EVC2: variants seen among roughly 807,000 people sequenced by gnomAD.
EVC2 encodes the protein limbin.
In EVC2, 148 loss-of-function variants were observed where a neutral mutation model predicts 149.3. That is an observed-to-expected ratio of 0.99 (90% CI 0.87 to 1.14). The LOEUF (loss-of-function observed/expected upper bound fraction) is 1.14. Ranked by LOEUF, EVC2 falls within the 50% of genes most tolerant of loss-of-function variation. The pLI, the probability that EVC2 is intolerant of heterozygous loss-of-function variation, is 0.00. For missense variants in EVC2, 1,854 were observed against 1,627.3 expected (o/e 1.14, Z -2.40); for synonymous variants, 776 against 649.9 (o/e 1.19, Z -2.95).
At chr4:5,565,682 A>C (rs1235100817) in intron 20 of EVC2, among the ~76,000 whole-genome samples, 1 of 151,948 alleles carries the variant, frequency 6.6e-6, no homozygotes, top group Non-Finnish European at 1.5e-5. Flanking sequence ...CAAAAAAAAA[A>C]AAAAAAAGAA....
chr4:5,550,600 G>A (rs375937021), intron 21 of EVC2, among the ~76,000 whole-genome samples: 76 of 152,280 alleles, frequency 5.0e-4, no homozygotes, highest in African/African-American at 1.7e-3. Flanking sequence ...GCCTGAGAAC[G>A]CAATAGAAAA....
intron 17 of EVC2, among the ~76,000 whole-genome samples, chr4:5,577,184 C>T (rs940941056): frequency 6.6e-6 from 1 of 152,216 alleles, no homozygotes; most frequent in East Asian, 1.9e-4. Context: ...ATTAATTTGT[C>T]AGATGATGTA....
chr4:5,638,678 A>G (rs576118482), intron 10 of EVC2, among the ~76,000 whole-genome samples: 136 of 152,244 alleles, frequency 8.9e-4, no homozygotes, highest in Middle Eastern at 3.4e-3. Flanking sequence ...TCCACATGAA[A>G]TTAATTTAAG....
At chr4:5,688,747 A>G (rs1720896046) in intron 5 of EVC2, among the ~76,000 whole-genome samples, 1 of 151,936 alleles carries the variant, frequency 6.6e-6, no homozygotes, top group African/African-American at 2.4e-5. Flanking sequence ...ACCCACTCCC[A>G]CTCTGTCCGG....
intron 9 of EVC2, among the ~76,000 whole-genome samples, chr4:5,648,464 C>G (rs1161840922): frequency 6.6e-6 from 1 of 152,152 alleles, no homozygotes; most frequent in Non-Finnish European, 1.5e-5. Context: ...AGGTGCTTTA[C>G]CGGTGGTTTG....
intron 7 of EVC2, 50 bp downstream of exon 7, chr4:5,681,210 C>CACAG: frequency 1.2e-6 from 2 of 1,610,078 alleles, no homozygotes; most frequent in Non-Finnish European, 1.7e-6. Flanking sequence ...GCAGGACCCA[C>CACAG]ACAGCACAGG....
At chr4:5,672,564 T>A (rs925618869) in intron 7 of EVC2, among the ~76,000 whole-genome samples, 1 of 152,132 alleles carries the variant, frequency 6.6e-6, no homozygotes, top group African/African-American at 2.4e-5. Flanking sequence ...GGGGTTCAAC[T>A]CTTAGATCCA....
intron 15 of EVC2, among the ~76,000 whole-genome samples, chr4:5,615,911 G>A (rs1459025577): frequency 6.6e-6 from 1 of 152,230 alleles, no homozygotes; most frequent in Non-Finnish European, 1.5e-5. Flanking sequence ...TCCCTGTTCT[G>A]TTCTTGCAAT....
rs1273439269 is a variant in EVC2 at position 5,631,919 on chromosome 4, C to T, written c.1584G>A (p.Gln528=). 1.9e-6 allele frequency: 3 copies of T among 1,614,200 alleles called. No homozygotes were observed. Among genetic ancestry groups the T allele is most frequent in the East Asian group, 4.5e-5 (2 of 44,876 alleles). Residue 528 remains glutamine, a synonymous_variant, in exon 11 of 22, where the codon CAG becomes CAA. Coordinates refer to ENST00000344408, the MANE Select transcript of EVC2 (RefSeq NM_147127.5). ...QEEDFAKAHR[Q]LAVFQRNELH... is the part of the protein sequence containing the mutation. Reference sequence around the variant, plus strand: ...GTTCATTTCTCTGGAAAACAGCCAGCTGTCTGTGAGCTTTGGCAAAGTCTT... The same window carrying T: ...GTTCATTTCTCTGGAAAACAGCCAGTTGTCTGTGAGCTTTGGCAAAGTCTT...
At chr4:5,666,828 T>G (rs751733193) in intron 7 of EVC2, among the ~76,000 whole-genome samples, 8 of 152,220 alleles carry the variant, frequency 5.3e-5, no homozygotes, top group Non-Finnish European at 1.2e-4. Flanking sequence ...ATCTATTTAT[T>G]CTCAAGTAAG....
chr4:5,592,380 G>C (rs1439531100), intron 16 of EVC2, among the ~76,000 whole-genome samples: 3 of 152,196 alleles, frequency 2.0e-5, no homozygotes, highest in African/African-American at 4.8e-5. Context: ...GGTGCCACTA[G>C]CAACAACCTC....
In EVC2 at chr4:5,567,594, C is replaced by T. The variant is rs1290066349; in HGVS notation, c.3557+850G>A. ...ATCCTCAAGGGGTACTGCTGGCTGC[C>T]CCCCAAACCCGCCTTACTCCACACC... On this transcript the variant is annotated intron_variant, in intron 20 of 21. Transcript: ENST00000344408. This position sits in a 1 kb window ranked among gnomAD's most constrained non-coding sequence, Gnocchi z 4.4. 6.6e-6 allele frequency among the ~76,000 whole-genome samples: 1 copy of T among 151,980 alleles called. No homozygotes were observed. The highest frequency in any genetic ancestry group is 2.4e-5 in the African/African-American group (1 of 41,374).
chr4:5,695,825 A>G (rs1314850781), intron 2 of EVC2, among the ~76,000 whole-genome samples: 1 of 152,214 alleles, frequency 6.6e-6, no homozygotes, highest in Non-Finnish European at 1.5e-5. Context: ...GGTAAAGACT[A>G]CAAGTGCTTT....
Position 5,657,181 on chromosome 4 carries a change from G to A in EVC2, c.1145+5926C>T, listed in dbSNP as rs994043953. Among the ~76,000 whole-genome samples, 2 of 152,138 alleles carry A rather than the reference G, an allele frequency of 1.3e-5. No individual in the cohort carries two copies. Among genetic ancestry groups the A allele is most frequent in the Non-Finnish European group, 2.9e-5 (2 of 68,026 alleles). Reference sequence around the variant, plus strand: ...ACTCCATGTTGCTCAGCAAGTCTGGGTTTCTCTAGTAAGCCACTTCCCCGT... The same window carrying A: ...ACTCCATGTTGCTCAGCAAGTCTGGATTTCTCTAGTAAGCCACTTCCCCGT... On this transcript the variant is annotated intron_variant, in intron 9 of 21. Transcript: ENST00000344408. The surrounding 1 kb of genome is among the most constrained non-coding windows in gnomAD (Gnocchi z 4.7).
chr4:5,656,236 T>A (rs1413624238), intron 9 of EVC2, among the ~76,000 whole-genome samples: 1 of 152,150 alleles, frequency 6.6e-6, no homozygotes, highest in Admixed American at 6.5e-5. Flanking sequence ...GTTCCCAGCA[T>A]GCCAGTGTCT....
intron 16 of EVC2, among the ~76,000 whole-genome samples, chr4:5,586,637 T>C (rs1361282762): frequency 6.7e-6 from 1 of 149,410 alleles, no homozygotes; most frequent in Non-Finnish European, 1.5e-5. Flanking sequence ...TCATAAAACC[T>C]TGGTCTCCAC....
intron 9 of EVC2, among the ~76,000 whole-genome samples, chr4:5,662,838 T>C (rs567988922): frequency 2.0e-5 from 3 of 151,832 alleles, no homozygotes; most frequent in Non-Finnish European, 2.9e-5. Flanking sequence ...ACCTTCCCAT[T>C]TGCATGGTGG....
rs1367621859 is a variant in EVC2, at chr4:5,615,452, C to T, written c.2799G>A (p.Glu933=). The T allele has an allele frequency of 1.9e-6, 3 of 1,614,100 alleles. No homozygotes were observed. The highest frequency in any genetic ancestry group is 1.7e-6 in the Non-Finnish European group (2 of 1,180,042). The change falls in exon 16 of 22, where the codon GAG becomes GAA. Residue 933 remains glutamate (E), a synonymous_variant. Coordinates refer to ENST00000344408, the MANE Select transcript of EVC2 (RefSeq NM_147127.5). ...KCIEDKIHLC[E]EQASEDLVEK... is the part of the protein sequence containing the mutation. ...CCACCAGGTCTTCAGAGGCCTGTTCCTCACAGAGGTGAATTTTGTCTTCGA... is the reference window on the plus strand; with the variant it reads ...CCACCAGGTCTTCAGAGGCCTGTTCTTCACAGAGGTGAATTTTGTCTTCGA...
At position 5,605,825 on chromosome 4, in the gene EVC2, C is replaced by T. The variant is rs188322241; in HGVS notation, c.2829+9597G>A. ...GTGGACACTGCACTGGGGAGGGTGG[C>T]GGGACTGACCCAACTGAGCATCACT... On this transcript the variant is annotated intron_variant, in intron 16 of 21. Transcript: ENST00000344408. Among the ~76,000 whole-genome samples, 380 of 152,238 alleles carry T rather than the reference C, an allele frequency of 2.5e-3. 2 individuals carry two copies. The highest frequency in any genetic ancestry group is 0.024 in the Middle Eastern group (7 of 294).
Sources: gnomAD v4.1 joint callset for allele counts (sites outside exome capture counted in the v4.1 genomes callset) on GRCh38, gnomAD v4.1.1 for gene constraint, Gnocchi (gnomAD v3.1) non-coding constraint, MANE v1.5 for transcripts, NCBI Gene and HGNC (gene_info 2026-07-23, HGNC 2026-07-21) for gene names.